The following CATSPERT variants were observed in gnomAD, a reference collection of about 807,000 sequenced individuals.
The protein encoded by CATSPERT is catsper channel auxiliary subunit tau.
the CATSPERT span, among the ~76,000 whole-genome samples, chr2:201,572,448 T>A: frequency 2.6e-5 from 4 of 152,200 alleles, no homozygotes; most frequent in Admixed American, 1.3e-4. Context: ...TTCACAGACA[T>A]AAAATCAAGT....
chr2:201,525,004 A>G, the CATSPERT span, among the ~76,000 whole-genome samples: 1 of 152,226 alleles, frequency 6.6e-6, no homozygotes, highest in Non-Finnish European at 1.5e-5. Flanking sequence ...TTAGATAACC[A>G]CACAAAAACA....
At chr2:201,542,266 C>G in the CATSPERT span, among the ~76,000 whole-genome samples, 1 of 152,058 alleles carries the variant, frequency 6.6e-6, no homozygotes, top group Non-Finnish European at 1.5e-5. Context: ...TTTGTTTATT[C>G]ATTCATCTAT....
the CATSPERT span, chr2:201,493,299 C>T: frequency 1.3e-6 from 2 of 1,536,392 alleles, no homozygotes; most frequent in Admixed American, 3.9e-5. Flanking sequence ...CTTGTGGGAA[C>T]ATATTTTGGT....
the CATSPERT span, among the ~76,000 whole-genome samples, chr2:201,581,671 C>G: frequency 6.9e-6 from 1 of 143,914 alleles, no homozygotes; most frequent in South Asian, 2.2e-4. Flanking sequence ...TGCAATGGTG[C>G]AATCTTGGCT....
chr2:201,492,463 T>A, the CATSPERT span: 1 of 1,533,494 alleles, frequency 6.5e-7, no homozygotes, highest in East Asian at 2.5e-5. Context: ...ATATTTCATG[T>A]TTATTTCAAA....
the CATSPERT span, among the ~76,000 whole-genome samples, chr2:201,607,754 C>G: frequency 2.0e-5 from 3 of 152,114 alleles, no homozygotes; most frequent in Non-Finnish European, 4.4e-5. Flanking sequence ...TTGCCTTTCC[C>G]AAAAATGCAT....
the CATSPERT span, among the ~76,000 whole-genome samples, chr2:201,589,310 C>A: frequency 6.6e-6 from 1 of 152,020 alleles, no homozygotes; most frequent in African/African-American, 2.4e-5. Context: ...CAATCCTAAG[C>A]AAAAATAACA....
At chr2:201,529,910 A>T in the CATSPERT span, among the ~76,000 whole-genome samples, 2 of 152,210 alleles carry the variant, frequency 1.3e-5, no homozygotes, top group Admixed American at 1.3e-4. Context: ...CCCAAAAGCA[A>T]GAAAACAAAT....
At chr2:201,508,950 C>CACGAGAATTGCCTGAACCTGGGAGGAGGA in the CATSPERT span, among the ~76,000 whole-genome samples, 3 of 151,158 alleles carry the variant, frequency 2.0e-5, no homozygotes, top group African/African-American at 7.4e-5. Context: ...CATGGGTGTG[C>CACGAGAATTGCCTGAACCTGGGAGGAGGA]GAAATTTCTT....
At chr2:201,487,464 AG>A in the CATSPERT span, 2 of 731,490 alleles carry the variant, frequency 2.7e-6, no homozygotes, top group Non-Finnish European at 4.4e-6. Context: ...GGTTCTAACA[AG>A]ATGAAATTTG....
At chr2:201,610,673 A>G in the CATSPERT span, among the ~76,000 whole-genome samples, 1 of 152,188 alleles carries the variant, frequency 6.6e-6, no homozygotes, top group Non-Finnish European at 1.5e-5. Flanking sequence ...AAAGAAATCT[A>G]TAGGTCAATA....
chr2:201,585,290 G>A, the CATSPERT span, among the ~76,000 whole-genome samples: 9 of 151,740 alleles, frequency 5.9e-5, no homozygotes, highest in Non-Finnish European at 1.0e-4. Context: ...TGTAGATGAC[G>A]GTATGATGGG....
the CATSPERT span, among the ~76,000 whole-genome samples, chr2:201,529,196 C>G: frequency 6.6e-6 from 1 of 152,036 alleles, no homozygotes; most frequent in African/African-American, 2.4e-5. Context: ...CAGATTCAAT[C>G]CAATTCCCAC....
chr2:201,579,045 T>C, the CATSPERT span, among the ~76,000 whole-genome samples: 1 of 152,296 alleles, frequency 6.6e-6, no homozygotes, highest in South Asian at 2.1e-4. Context: ...TGCTGATCTA[T>C]TTATAAGTTG....
At chr2:201,514,029 G>A in the CATSPERT span, among the ~76,000 whole-genome samples, 1 of 151,996 alleles carries the variant, frequency 6.6e-6, no homozygotes, top group Non-Finnish European at 1.5e-5. Flanking sequence ...CAATATTTAT[G>A]GGATAAATTT....
At chr2:201,562,502 CTTTATTTA>C in the CATSPERT span, among the ~76,000 whole-genome samples, 1 of 137,242 alleles carries the variant, frequency 7.3e-6, no homozygotes, top group Non-Finnish European at 1.6e-5. Context: ...TCTAATAATT[CTTTATTTA>C]TTTATTTATT....
chr2:201,504,972 T>C, the CATSPERT span, among the ~76,000 whole-genome samples: 2 of 152,190 alleles, frequency 1.3e-5, no homozygotes, highest in Non-Finnish European at 2.9e-5. Context: ...AAAAGAAATA[T>C]TCTGTGAAGG....
the CATSPERT span, among the ~76,000 whole-genome samples, chr2:201,511,075 A>C: frequency 6.6e-6 from 1 of 152,228 alleles, no homozygotes; most frequent in Non-Finnish European, 1.5e-5. Flanking sequence ...ACTCATTAAT[A>C]ATCAGGAAAA....
the CATSPERT span, among the ~76,000 whole-genome samples, chr2:201,532,574 A>G: frequency 1.3e-5 from 2 of 152,192 alleles, no homozygotes; most frequent in African/African-American, 4.8e-5. Context: ...TGAATGAATA[A>G]CCTATTATTC....
Sources: allele counts gnomAD v4.1 joint callset (sites outside exome capture counted in the v4.1 genomes callset), GRCh38; gene constraint gnomAD v4.1.1; transcripts MANE v1.5; gene names NCBI Gene and HGNC (gene_info 2026-07-23, HGNC 2026-07-21).